The following GLIS1 variants were observed in gnomAD, a reference collection of about 807,000 sequenced individuals.
The protein encoded by GLIS1 is GLIS family zinc finger 1.
In GLIS1, 24 loss-of-function variants were observed where a neutral mutation model predicts 63.8. That is an observed-to-expected ratio of 0.38 (90% CI 0.27 to 0.53). The LOEUF is 0.53. Ranked by LOEUF, GLIS1 falls within the 20% of genes least tolerant of loss-of-function variation. GLIS1 has a pLI of 0.85. For missense variants in GLIS1, 1,036 were observed against 1,074.1 expected, an observed-to-expected ratio of 0.96 and a Z score of 0.50; for synonymous variants, 450 against 482.5, an observed-to-expected ratio of 0.93 and a Z score of 0.88.
At chr1:53,640,582 CCACTGAG>C (rs2100287383) in intron 2 of GLIS1, among the ~76,000 whole-genome samples, 1 of 152,302 alleles carries the variant, frequency 6.6e-6, no homozygotes, top group South Asian at 2.1e-4. Context: ...CAGCAGCCAT[CCACTGAG>C]CACCTGCTAT....
At chr1:53,703,836 C>A (rs2100501257) in intron 2 of GLIS1, among the ~76,000 whole-genome samples, 1 of 152,216 alleles carries the variant, frequency 6.6e-6, no homozygotes, top group South Asian at 2.1e-4. Flanking sequence ...GGAAGGCTTT[C>A]CAGCCCCTCA....
intron 2 of GLIS1, among the ~76,000 whole-genome samples, chr1:53,692,652 G>A (rs1187178095): frequency 1.3e-5 from 2 of 152,188 alleles, no homozygotes; most frequent in Non-Finnish European, 2.9e-5. Context: ...CTGAGGGTGT[G>A]GGCTCTAGCC....
At chr1:53,647,529 A>T (rs1400215965) in intron 2 of GLIS1, among the ~76,000 whole-genome samples, 1 of 152,224 alleles carries the variant, frequency 6.6e-6, no homozygotes, top group Non-Finnish European at 1.5e-5. Flanking sequence ...CCTTCTGCAC[A>T]CCAAACATAA....
intron 2 of GLIS1, chr1:53,734,061 C>CT (rs112341265): frequency 0.082 from 56,769 of 693,784 alleles, no homozygotes; most frequent in Non-Finnish European, 0.092. Flanking sequence ...TCTACAATTC[C>CT]TTTTTTTTTT....
chr1:53,738,443 T>C (rs1018022409), intron 1 of GLIS1, among the ~76,000 whole-genome samples: 1 of 152,106 alleles, frequency 6.6e-6, no homozygotes. Context: ...GTAAGGCGCC[T>C]GTTCCGCGTC....
chr1:53,672,965 C>A (rs888450274), intron 2 of GLIS1, among the ~76,000 whole-genome samples: 2 of 152,230 alleles, frequency 1.3e-5, no homozygotes, highest in African/African-American at 2.4e-5. Flanking sequence ...CTAGGCCCAA[C>A]ATAGCCAGAC....
rs1645013783 is a variant in GLIS1, at chr1:53,574,547, C to T, written c.1320+19561G>A. Among the ~76,000 whole-genome samples the T allele has an allele frequency of 6.6e-6, 1 of 152,196 alleles. No individual in the cohort carries two copies. Among genetic ancestry groups the T allele is most frequent in the Non-Finnish European group, 1.5e-5 (1 of 68,040 alleles). ...TGTACAGGTGAGGAAACAGAAGCTT[C>T]AGAAAGGTAAAGTGACTTTCCCCCG... is the stretch of plus-strand genomic sequence containing the variant. On this transcript the variant is annotated intron_variant, in intron 4 of 10. Transcript: ENST00000628545. This position sits in a 1 kb window ranked among gnomAD's most constrained non-coding sequence, Gnocchi z 4.2.
chr1:53,719,616 T>TA (rs1216128725), intron 2 of GLIS1, among the ~76,000 whole-genome samples: 1 of 152,138 alleles, frequency 6.6e-6, no homozygotes, highest in Non-Finnish European at 1.5e-5. Context: ...TGCACCACTT[T>TA]ACCCAAAGAA....
intron 4 of GLIS1, among the ~76,000 whole-genome samples, chr1:53,532,037 C>T (rs1644536314): frequency 6.6e-6 from 1 of 152,138 alleles, no homozygotes; most frequent in Non-Finnish European, 1.5e-5. Flanking sequence ...TGGGGGTGGG[C>T]TGGGCTCTAC....
intron 4 of GLIS1, among the ~76,000 whole-genome samples, chr1:53,532,542 G>A (rs1200962949): frequency 1.3e-5 from 2 of 152,246 alleles, no homozygotes; most frequent in Non-Finnish European, 1.5e-5. Context: ...CAAACCAGGA[G>A]GAAATCCTGT....
In GLIS1 at chr1:53,643,968, G is replaced by A. The variant is rs76953800; in HGVS notation, c.260-43690C>T. On this transcript the variant is annotated intron_variant, in intron 2 of 10. Coordinates refer to ENST00000628545, the MANE Select transcript of GLIS1 (RefSeq NM_001367484.1). ...CCAGTGAGCTGGGAGCCCAGCCCTG[G>A]CCTCCTAATGCCAAGCCTGGAGTTC... 2.5e-3 allele frequency among the ~76,000 whole-genome samples: 374 copies of A among 152,292 alleles called. 2 individuals are homozygous for A. The highest frequency in any genetic ancestry group is 8.6e-3 in the African/African-American group (356 of 41,552).
intron 2 of GLIS1, among the ~76,000 whole-genome samples, chr1:53,644,547 G>A (rs573276789): frequency 6.6e-6 from 1 of 152,276 alleles, no homozygotes; most frequent in Non-Finnish European, 1.5e-5. Context: ...ATTAGAATGG[G>A]AAGAGTTCTT....
At chr1:53,642,065 C>T (rs549680470) in intron 2 of GLIS1, among the ~76,000 whole-genome samples, 1 of 152,366 alleles carries the variant, frequency 6.6e-6, no homozygotes, top group East Asian at 1.9e-4. Flanking sequence ...GGCCAGCTGG[C>T]CAGGCCAGGA....
chr1:53,570,069 C>A (rs1644970289), intron 4 of GLIS1, among the ~76,000 whole-genome samples: 1 of 151,990 alleles, frequency 6.6e-6, no homozygotes, highest in South Asian at 2.1e-4. Flanking sequence ...ATAGAAATTT[C>A]TTTCTTTCCC....
At chr1:53,562,888 A>T (rs868411648) in intron 4 of GLIS1, among the ~76,000 whole-genome samples, 4 of 152,238 alleles carry the variant, frequency 2.6e-5, no homozygotes, top group South Asian at 2.1e-4. Context: ...GTGCTCTGCC[A>T]TACATTATTT....
At chr1:53,666,771 C>T (rs1646095613) in intron 2 of GLIS1, among the ~76,000 whole-genome samples, 1 of 148,058 alleles carries the variant, frequency 6.8e-6, no homozygotes, top group Non-Finnish European at 1.5e-5. Flanking sequence ...ATCGGCAGGT[C>T]TGTGGGCCAG....
chr1:53,622,427 C>CAAAAAAAAAAAAAAAAAAAA (rs60923620), intron 2 of GLIS1, among the ~76,000 whole-genome samples: 6 of 132,304 alleles, frequency 4.5e-5, no homozygotes, highest in African/African-American at 9.1e-5. Context: ...GACTATGTCT[C>CAAAAAAAAAAAAAAAAAAAA]AAAAAAAAAA....
chr1:53,597,957 T>C lies in GLIS1; in HGVS notation c.437+2144A>G, dbSNP rs564593828. On this transcript the variant is annotated intron_variant, in intron 3 of 10. Coordinates refer to ENST00000628545, the MANE Select transcript of GLIS1 (RefSeq NM_001367484.1). Reference sequence around the variant, plus strand: ...GCTTTTCCTAGGTTAGCACAGCTTCTACCCTGAGAGATAATAGAATGAATT... The same window carrying C: ...GCTTTTCCTAGGTTAGCACAGCTTCCACCCTGAGAGATAATAGAATGAATT... 3.3e-4 allele frequency among the ~76,000 whole-genome samples: 51 copies of C among 152,318 alleles called. No individual in the cohort carries two copies. The East Asian group carries it at 8.5e-3, about 25-fold the overall frequency.
intron 8 of GLIS1, among the ~76,000 whole-genome samples, chr1:53,513,981 C>G (rs1419043452): frequency 6.6e-6 from 1 of 152,228 alleles, no homozygotes; most frequent in African/African-American, 2.4e-5. Flanking sequence ...GCTGGGAGGC[C>G]TCCCTCTGCT....
Sources: allele counts gnomAD v4.1 joint callset (sites outside exome capture counted in the v4.1 genomes callset), GRCh38; gene constraint gnomAD v4.1.1; non-coding constraint Gnocchi (gnomAD v3.1); transcripts MANE v1.5; gene names NCBI Gene and HGNC (gene_info 2026-07-23, HGNC 2026-07-21).